The following OTOG variants were observed in gnomAD, a reference collection of about 807,000 sequenced individuals.
OTOG encodes the protein otogelin.
A neutral mutation model predicts 313.8 loss-of-function variants in OTOG; 296 were observed. The ratio of observed to expected loss-of-function variants is 0.94; its 90% confidence interval spans 0.86 to 1.04. OTOG has a LOEUF of 1.04. Among genes scored for constraint, OTOG ranks in the 50% least tolerant of loss-of-function variants. The pLI, the probability that OTOG is intolerant of heterozygous loss-of-function variation, is 0.00. For synonymous variants in OTOG, 1,533 were observed against 1,554.9 expected (o/e 0.99, Z 0.33); for missense variants, 3,948 against 3,840.1 (o/e 1.03, Z -0.74).
At chr11:17,562,957 C>T (rs1460638820) in intron 15 of OTOG, among the ~76,000 whole-genome samples, 1 of 152,180 alleles carries the variant, frequency 6.6e-6, no homozygotes, top group East Asian at 1.9e-4. Context: ...ACTGTTGTAA[C>T]TGGGCTACAG....
At position 17,631,806 on chromosome 11, in the gene OTOG, A is replaced by G. The variant is rs1055348299; in HGVS notation, c.6817A>G (p.Ser2273Gly). Reference sequence around the variant, plus strand: ...CTTTCTGGACAGCTGGCAGGTGCCCAGCTCCCTGACCTCAGTGGGCCAGAC... The same window carrying G: ...CTTTCTGGACAGCTGGCAGGTGCCCGGCTCCCTGACCTCAGTGGGCCAGAC... The part of the protein sequence containing the change: ...APFLDSWQVP[S>G]SLTSVGQTRF... Residue 2273 changes from serine to glycine, a missense_variant, in exon 41 of 56, where the codon AGC becomes GGC. Ser to Gly is a moderately conservative substitution (Grantham distance 56, BLOSUM62 0). Coordinates refer to ENST00000399397, the MANE Select transcript of OTOG (RefSeq NM_001292063.2). 5.8e-6 allele frequency: 9 copies of G among 1,550,488 alleles called. No individual in the cohort carries two copies. Among genetic ancestry groups the G allele is most frequent in the Non-Finnish European group, 5.2e-6 (6 of 1,146,986 alleles).
chr11:17,550,790 C>T (rs1851915102), intron 3 of OTOG, among the ~76,000 whole-genome samples: 4 of 152,100 alleles, frequency 2.6e-5, no homozygotes, highest in Admixed American at 2.0e-4. Flanking sequence ...GGGGCTGGGT[C>T]GACTGGGTAA....
intron 26 of OTOG, 66 bp from the exon 27 acceptor site, chr11:17,593,544 C>T: frequency 6.5e-7 from 1 of 1,531,132 alleles, no homozygotes. Context: ...GGCCTGGCTG[C>T]AGGCATAGCT....
intron 42 of OTOG, 77 bp from the exon 43 acceptor site, chr11:17,633,603 C>T: frequency 7.3e-7 from 1 of 1,361,718 alleles, no homozygotes; most frequent in Non-Finnish European, 9.8e-7. Context: ...TCCTCATCCC[C>T]TCCTGTTCTT....
At chr11:17,555,725 A>G (rs1247493455) in intron 6 of OTOG, 54 bp from the exon 7 acceptor site, 1 of 1,414,892 alleles carries the variant, frequency 7.1e-7, no homozygotes, top group Non-Finnish European at 9.7e-7. Context: ...TGTGAAGCTC[A>G]GGGTCAGGCC....
intron 12 of OTOG, 71 bp from the exon 13 acceptor site, chr11:17,560,638 C>G: frequency 9.2e-7 from 1 of 1,083,430 alleles, no homozygotes; most frequent in Non-Finnish European, 1.4e-6. Flanking sequence ...TTATCAGAGG[C>G]CCTGGGGAGC....
chr11:17,559,493 G>A, intron 11 of OTOG, 41 bp from the exon 12 acceptor site: 1 of 1,549,940 alleles, frequency 6.5e-7, no homozygotes, highest in Non-Finnish European at 8.7e-7. Flanking sequence ...TGGCAGAGCT[G>A]GGGCCAGTAG....
chr11:17,612,617 C>T lies in OTOG; in HGVS notation c.6293-3C>T, dbSNP rs201371081. On this transcript the variant is annotated splice_region_variant and splice_polypyrimidine_tract_variant and intron_variant, in intron 37 of 55. Coordinates refer to ENST00000399397, the MANE Select transcript of OTOG (RefSeq NM_001292063.2). Reference sequence around the variant, plus strand: ...TTCTTCTTGTGCCCTGCCCCTCCCCCAGGCCGGTGCTCAATCTTCCCTGAC... The same window carrying T: ...TTCTTCTTGTGCCCTGCCCCTCCCCTAGGCCGGTGCTCAATCTTCCCTGAC... 10 of 1,549,608 alleles carry T rather than the reference C, an allele frequency of 6.5e-6. No individual in the cohort carries two copies. Among genetic ancestry groups the T allele is most frequent in the Admixed American group, 2.0e-5 (1 of 50,948 alleles).
intron 15 of OTOG, among the ~76,000 whole-genome samples, chr11:17,567,642 C>T (rs1407906025): frequency 1.2e-4 from 18 of 152,208 alleles, no homozygotes; most frequent in Admixed American, 1.2e-3. Flanking sequence ...CTGTGCCCAG[C>T]CTTGAACCTT....
At chr11:17,639,817 T>C (rs1297587073) in intron 49 of OTOG, among the ~76,000 whole-genome samples, 1 of 149,738 alleles carries the variant, frequency 6.7e-6, no homozygotes, top group Admixed American at 6.6e-5. Context: ...GCAATGATGG[T>C]GGTGGTGGGG....
intron 39 of OTOG, among the ~76,000 whole-genome samples, chr11:17,622,064 G>T (rs1176390925): frequency 2.6e-5 from 4 of 152,184 alleles, no homozygotes; most frequent in African/African-American, 9.6e-5. Flanking sequence ...CATGGATCAT[G>T]AAGCCCAATC....
intron 51 of OTOG, 52 bp from the exon 52 acceptor site, chr11:17,641,795 G>A (rs572562629): frequency 1.4e-3 from 1,929 of 1,338,438 alleles, no homozygotes; most frequent in Non-Finnish European, 1.9e-3. Context: ...CAGTGGGAGA[G>A]CCAGGGTGGA....
At position 17,593,715 on chromosome 11, in the gene OTOG, CAG is replaced by C. The variant is rs776836662; in HGVS notation, c.3251_3252del (p.Arg1084AsnfsTer23). Reference protein sequence around the residue: ...PQEHITLLWDQRTTVHVQAGP... With the variant: ...PQEHITLLWDXRTTVHVQAGP... ...GGAGCACATCACCCTCTTGTGGGAC[CAG>C]AGAACCACAGTGCACGTCCAGGCTG... On this transcript the variant is annotated frameshift_variant, in exon 27 of 56. Transcript: ENST00000399397. LOFTEE classifies it high-confidence loss of function. 6.5e-7 allele frequency: 1 copy of C among 1,548,808 alleles called. No individual in the cohort carries two copies. The highest frequency in any genetic ancestry group is 8.7e-7 in the Non-Finnish European group (1 of 1,146,958).
intron 24 of OTOG, among the ~76,000 whole-genome samples, chr11:17,587,718 G>C (rs1002199716): frequency 6.6e-6 from 1 of 152,232 alleles, no homozygotes; most frequent in Non-Finnish European, 1.5e-5. Flanking sequence ...AGCCCTGGCT[G>C]TCTGACCCCA....
intron 34 of OTOG, 48 bp downstream of exon 34, chr11:17,608,461 T>A: frequency 8.0e-7 from 1 of 1,248,058 alleles, no homozygotes; most frequent in Non-Finnish European, 1.1e-6. Context: ...TGTGCACTAG[T>A]GTGTGTGTGC....
rs551934406 is a variant in OTOG, at chr11:17,613,604, C to T, written c.6439-8C>T. ...TCCAAGTTGATGAGGGCTGGGTTCT[C>T]TCTGCAGGGGCACCTGAACTGGCCC... On this transcript the variant is annotated splice_region_variant and splice_polypyrimidine_tract_variant and intron_variant, in intron 38 of 55. Transcript: ENST00000399397. 1.9e-5 allele frequency: 29 copies of T among 1,550,462 alleles called. No individual in the cohort carries two copies. Among genetic ancestry groups the T allele is most frequent in the Non-Finnish European group, 8.7e-7 (1 of 1,146,896 alleles).
chr11:17,607,268 T>C, intron 33 of OTOG, among the ~76,000 whole-genome samples: 1 of 152,242 alleles, frequency 6.6e-6, no homozygotes. Context: ...CTGGAGGAGC[T>C]GCCGGTGGGG....
chr11:17,550,838 T>G (rs1851916210), intron 3 of OTOG, among the ~76,000 whole-genome samples: 1 of 152,134 alleles, frequency 6.6e-6, no homozygotes, highest in Admixed American at 6.5e-5. Flanking sequence ...GGGGCCAAAG[T>G]AGGTGAGGAC....
chr11:17,609,626 C>T lies in OTOG; in HGVS notation c.4355-29C>T, dbSNP rs201250360. 176 of 1,465,274 alleles carry T rather than the reference C, an allele frequency of 1.2e-4. No individual in the cohort carries two copies. In the East Asian group the frequency reaches 3.8e-3, roughly 32 times the overall value. 90.8% of individuals were successfully genotyped at this position (1,465,274 alleles called of 1,614,324 possible). A position where few individuals can be genotyped will look rare whatever the true frequency, so the allele number is the denominator to read the frequency against. On this transcript the variant is annotated intron_variant, in intron 35 of 55. Transcript: ENST00000399397. ...ACCCCCGGGGCAGCAGTCACCCCGCCTTCTGAACCTCTTCTTTTGTCTCCG... is the reference window on the plus strand; with the variant it reads ...ACCCCCGGGGCAGCAGTCACCCCGCTTTCTGAACCTCTTCTTTTGTCTCCG...
Sources: gnomAD v4.1 joint callset for allele counts (sites outside exome capture counted in the v4.1 genomes callset) on GRCh38, gnomAD v4.1.1 for gene constraint, MANE v1.5 for transcripts, NCBI Gene and HGNC (gene_info 2026-07-23, HGNC 2026-07-21) for gene names.